The following DYM variants were observed in gnomAD, a reference collection of about 807,000 sequenced individuals.
DYM encodes dymeclin, also known as dyggve-Melchior-Clausen syndrome protein.
Under a neutral mutation model 93.1 loss-of-function variants are expected in DYM, and 78 were observed. The ratio of observed to expected loss-of-function variants is 0.84; its 90% confidence interval spans 0.70 to 1.01. DYM has a LOEUF of 1.01. DYM is among the 50% of genes least tolerant of loss of function. DYM has a pLI of 0.00. For missense variants in DYM, 789 were observed against 845.0 expected (o/e 0.93, Z 0.82); for synonymous variants, 321 against 319.7 (o/e 1.00, Z -0.04).
In DYM at chr18:49,095,305, T is replaced by C. The variant is rs551969392; in HGVS notation, c.2025+2097A>G. Among the ~76,000 whole-genome samples, 3 of 152,324 alleles carry C rather than the reference T, an allele frequency of 2.0e-5. No homozygotes were observed. In the East Asian group the frequency reaches 5.8e-4, roughly 29 times the overall value. On this transcript the variant is annotated intron_variant, in intron 17 of 17. Transcript: ENST00000675505. ...TGATTAAAATAATTGAGATAAGGCT[T>C]GATTGTAAGGATAAACAGCCTTTTA...
At chr18:49,439,967 G>T (rs1384536846) in intron 1 of DYM, among the ~76,000 whole-genome samples, 1 of 151,170 alleles carries the variant, frequency 6.6e-6, no homozygotes, top group Non-Finnish European at 1.5e-5. Context: ...ATACAATCAT[G>T]TCACTGTACT....
At chr18:49,091,727 A>AATAT (rs2079067476) in intron 17 of DYM, among the ~76,000 whole-genome samples, 1 of 150,768 alleles carries the variant, frequency 6.6e-6, no homozygotes, top group Non-Finnish European at 1.5e-5. Flanking sequence ...ACAGTGATTT[A>AATAT]ATATTTATTT....
intron 15 of DYM, among the ~76,000 whole-genome samples, chr18:49,137,817 C>A (rs917329451): frequency 3.3e-5 from 5 of 152,276 alleles, no homozygotes; most frequent in South Asian, 2.1e-4. Context: ...TAGGGAGCAA[C>A]AGAAAGTGTT....
chr18:49,082,623 G>A (rs2078158170), intron 17 of DYM, among the ~76,000 whole-genome samples: 1 of 152,206 alleles, frequency 6.6e-6, no homozygotes, highest in Non-Finnish European at 1.5e-5. Flanking sequence ...GGTAGCAGGA[G>A]ATAAAAACAG....
At chr18:49,215,623 G>C (rs943175393) in intron 13 of DYM, among the ~76,000 whole-genome samples, 1 of 152,148 alleles carries the variant, frequency 6.6e-6, no homozygotes. Context: ...GTGTTGAAAA[G>C]ATTATACTCT....
At chr18:49,193,598 C>T (rs1226651450) in intron 14 of DYM, among the ~76,000 whole-genome samples, 2 of 152,110 alleles carry the variant, frequency 1.3e-5, no homozygotes, top group Non-Finnish European at 2.9e-5. Context: ...AATCTCAGAA[C>T]AAAATGTTTA....
Position 49,042,999 on chromosome 18 carries a change from T to C in DYM, c.*1056A>G, listed in dbSNP as rs961385339. 2 of 152,252 alleles carry C rather than the reference T, an allele frequency of 1.3e-5. No individual in the cohort carries two copies. The highest frequency in any genetic ancestry group is 4.8e-5 in the African/African-American group (2 of 41,464). The allele number at this position is 152,252 out of a possible 1,614,324, so 9.4% of individuals were successfully genotyped here. A position where few individuals can be genotyped will look rare whatever the true frequency, so the allele number is the denominator to read the frequency against. ...CAAATGAAGCTTTTCTTTTTCCCAA[T>C]GATTAATACAGAGTAGATTAACTTA... On this transcript the variant is annotated 3_prime_UTR_variant, in exon 18 of 18. Transcript: ENST00000675505.
intron 16 of DYM, among the ~76,000 whole-genome samples, chr18:49,099,727 T>C (rs1166713641): frequency 6.6e-6 from 1 of 152,180 alleles, no homozygotes. Context: ...GCAAGCACAG[T>C]ATTCACCCAC....
intron 13 of DYM, among the ~76,000 whole-genome samples, chr18:49,228,194 A>G (rs1188124272): frequency 6.6e-6 from 1 of 152,136 alleles, no homozygotes; most frequent in Non-Finnish European, 1.5e-5. Context: ...ATGGACAAAA[A>G]CTAATGTTCC....
intron 2 of DYM, among the ~76,000 whole-genome samples, chr18:49,403,375 C>T (rs2071073990): frequency 6.6e-6 from 1 of 152,096 alleles, no homozygotes; most frequent in Non-Finnish European, 1.5e-5. Context: ...CTTGTTCACA[C>T]CTAGGACATC....
In DYM at chr18:49,286,688, T is replaced by C. The variant is rs112915294; in HGVS notation, c.764-72A>G. On this transcript the variant is annotated intron_variant, in intron 8 of 17. Transcript: ENST00000675505. Reference sequence around the variant, plus strand: ...GAATGTATTTCTGTAAAGTATTCTGTGTAATATAATACAATATGGTAATGA... The same window carrying C: ...GAATGTATTTCTGTAAAGTATTCTGCGTAATATAATACAATATGGTAATGA... 2,995 of 1,425,398 alleles carry C rather than the reference T, an allele frequency of 2.1e-3. 49 individuals carry two copies. In the African/African-American group the frequency reaches 0.038, roughly 18 times the overall value. The allele number at this position is 1,425,398 out of a possible 1,614,324, so 88.3% of individuals were successfully genotyped here. A position where few individuals can be genotyped will look rare whatever the true frequency, so the allele number is the denominator to read the frequency against.
intron 15 of DYM, among the ~76,000 whole-genome samples, chr18:49,150,656 G>A (rs1308900022): frequency 6.6e-6 from 1 of 152,264 alleles, no homozygotes; most frequent in Middle Eastern, 3.4e-3. Context: ...ACTAACACAG[G>A]CTTAAAACAT....
intron 9 of DYM, among the ~76,000 whole-genome samples, chr18:49,284,247 T>C (rs191416353): frequency 6.6e-6 from 1 of 151,862 alleles, no homozygotes; most frequent in African/African-American, 2.4e-5. Context: ...CTAAACACTT[T>C]GTTTGTGTTA....
At chr18:49,067,982 G>C (rs1238328530) in intron 17 of DYM, among the ~76,000 whole-genome samples, 1 of 152,070 alleles carries the variant, frequency 6.6e-6, no homozygotes, top group Non-Finnish European at 1.5e-5. Flanking sequence ...AAAGAGGATA[G>C]GTCAATGAAA....
chr18:49,441,165 TATTATATA>T (rs1456373472), intron 1 of DYM, among the ~76,000 whole-genome samples: 4 of 23,376 alleles, frequency 1.7e-4, no homozygotes, highest in Non-Finnish European at 2.2e-4. Context: ...ATATATTATA[TATTATATA>T]ATTATATATT....
chr18:49,283,319 G>A (rs1048643644), intron 9 of DYM, among the ~76,000 whole-genome samples: 5 of 152,024 alleles, frequency 3.3e-5, no homozygotes, highest in Non-Finnish European at 5.9e-5. Context: ...AATCAAAAGA[G>A]CACACCAAGC....
At chr18:49,261,713 TAAAAAAATTAAATATGTTTG>T (rs1308313372) in intron 11 of DYM, among the ~76,000 whole-genome samples, 1 of 152,214 alleles carries the variant, frequency 6.6e-6, no homozygotes, top group African/African-American at 2.4e-5. Flanking sequence ...TCAACTCTTT[TAAAAAAATTAAATATGTTTG>T]GGAAAGTACA....
intron 13 of DYM, among the ~76,000 whole-genome samples, chr18:49,216,754 A>G (rs1036747581): frequency 6.6e-6 from 1 of 152,188 alleles, no homozygotes; most frequent in East Asian, 1.9e-4. Context: ...ACCCATCTGT[A>G]CATCACCATC....
chr18:49,164,094 T>C lies in DYM; in HGVS notation c.1626-307A>G, dbSNP rs556555081. The stretch of plus-strand genomic sequence containing the variant: ...AAAGAATAGTGGCAAAAACCTGAGA[T>C]GTAGACTATGACTAACTCATAGTGC... On this transcript the variant is annotated intron_variant, in intron 14 of 17. Coordinates refer to ENST00000675505, the MANE Select transcript of DYM (RefSeq NM_001353214.3). Among the ~76,000 whole-genome samples, 32 of 152,288 alleles carry C rather than the reference T, an allele frequency of 2.1e-4. No homozygotes were observed. The South Asian group carries it at 4.8e-3, about 23-fold the overall frequency.
Sources: allele counts gnomAD v4.1 joint callset (sites outside exome capture counted in the v4.1 genomes callset), GRCh38; gene constraint gnomAD v4.1.1; transcripts MANE v1.5; gene names NCBI Gene and HGNC (gene_info 2026-07-23, HGNC 2026-07-21).